The following IL1RAPL2 variants were observed in gnomAD, a reference collection of about 807,000 sequenced individuals.
IL1RAPL2 encodes interleukin 1 receptor accessory protein like 2.
IL1RAPL2 carries 3 observed loss-of-function variants against 44.1 expected under a neutral mutation model. The observed-to-expected ratio is 0.07, with a 90% confidence interval of 0.03 to 0.18. The LOEUF (loss-of-function observed/expected upper bound fraction) is 0.18, where lower values mean the gene tolerates loss of function less well. Among genes scored for constraint, IL1RAPL2 ranks in the 10% least tolerant of loss-of-function variants. The probability of loss-of-function intolerance (pLI) is 1.00; values close to 1 mark genes in which losing one functional copy is unlikely to be tolerated. For missense variants in IL1RAPL2, 391 were observed against 496.4 expected, an observed-to-expected ratio of 0.79 and a Z score of 2.02; for synonymous variants, 181 against 178.8, an observed-to-expected ratio of 1.01 and a Z score of -0.10.
chrX:104,693,404 G>GT (rs1931127075), intron 2 of IL1RAPL2, among the ~76,000 whole-genome samples: 1 of 111,576 alleles, frequency 9.0e-6, no homozygotes, highest in Non-Finnish European at 1.9e-5. Flanking sequence ...GGACCAATAG[G>GT]TTTGTATTTA....
intron 6 of IL1RAPL2, among the ~76,000 whole-genome samples, chrX:105,654,985 C>T (rs772359118): frequency 2.7e-5 from 3 of 111,987 alleles, no homozygotes; most frequent in South Asian, 3.7e-4. Flanking sequence ...CAGAAGCCCC[C>T]GGGAAGTGTG....
At chrX:105,101,931 GC>G (rs1365285103) in intron 2 of IL1RAPL2, among the ~76,000 whole-genome samples, 1 of 112,198 alleles carries the variant, frequency 8.9e-6, no homozygotes, top group Non-Finnish European at 1.9e-5. Context: ...AATGCAGGAA[GC>G]AGGGCTTTTT....
intron 5 of IL1RAPL2, among the ~76,000 whole-genome samples, chrX:105,459,127 A>G (rs73527156): frequency 0.23 from 25,114 of 111,368 alleles, 6,830 homozygotes; most frequent in African/African-American, 0.78. Context: ...ATTTTTGCCA[A>G]TGTTCTCGTT....
At chrX:105,589,485 A>C (rs368792855) in intron 6 of IL1RAPL2, among the ~76,000 whole-genome samples, 2 of 111,218 alleles carry the variant, frequency 1.8e-5, no homozygotes, top group East Asian at 5.7e-4. Flanking sequence ...TTTAGGTTTT[A>C]TCCTAGGGTT....
chrX:105,387,422 A>G (rs941820216), intron 5 of IL1RAPL2, among the ~76,000 whole-genome samples: 3 of 109,426 alleles, frequency 2.7e-5, no homozygotes, highest in African/African-American at 1.0e-4. Flanking sequence ...TTTAGTAGAG[A>G]CGGGGTTTCA....
At chrX:105,371,469 A>G (rs905515083) in intron 5 of IL1RAPL2, among the ~76,000 whole-genome samples, 2 of 111,349 alleles carry the variant, frequency 1.8e-5, no homozygotes, top group African/African-American at 3.3e-5. Flanking sequence ...AGTTATCCCT[A>G]TTTTGAAAAA....
intron 6 of IL1RAPL2, among the ~76,000 whole-genome samples, chrX:105,594,140 C>G (rs763952515): frequency 9.0e-6 from 1 of 111,261 alleles, no homozygotes; most frequent in South Asian, 3.7e-4. Context: ...ATATATTTAC[C>G]TCTTTGTTGT....
intron 5 of IL1RAPL2, chrX:105,406,420 C>A (rs1490872178): frequency 1.8e-6 from 2 of 1,108,284 alleles, no homozygotes; most frequent in Non-Finnish European, 2.5e-6. Flanking sequence ...TCTCATTGAT[C>A]TAACACCTGG....
chrX:105,626,303 G>T (rs1345930399), intron 6 of IL1RAPL2, among the ~76,000 whole-genome samples: 1 of 111,598 alleles, frequency 9.0e-6, no homozygotes, highest in East Asian at 2.8e-4. Flanking sequence ...GATGGGGAGT[G>T]AGAAATGAGG....
intron 2 of IL1RAPL2, among the ~76,000 whole-genome samples, chrX:105,082,926 G>T (rs2032432938): frequency 9.0e-6 from 1 of 111,121 alleles, no homozygotes; most frequent in South Asian, 3.8e-4. Flanking sequence ...CGCCAGCAAG[G>T]AAACAAAACT....
rs1931940239 is a variant in IL1RAPL2 at position 104,732,577 on chromosome X, G to A, written c.82+73582G>A. 2.7e-5 allele frequency among the ~76,000 whole-genome samples: 3 copies of A among 111,460 alleles called. No homozygotes were observed. The East Asian group carries it at 8.5e-4, about 31-fold the overall frequency. ...AATATATTAAAAGTGCCTCAAGGAA[G>A]AATAATTAACCTGGATAAATCTAGT... On this transcript the variant is annotated intron_variant, in intron 2 of 10. Coordinates refer to ENST00000372582, the MANE Select transcript of IL1RAPL2 (RefSeq NM_017416.2).
intron 2 of IL1RAPL2, among the ~76,000 whole-genome samples, chrX:105,039,380 G>C (rs1328746095): frequency 2.7e-5 from 3 of 111,963 alleles, no homozygotes; most frequent in Non-Finnish European, 5.6e-5. Flanking sequence ...TGCAAGATCA[G>C]TGACATCCTC....
intron 5 of IL1RAPL2, among the ~76,000 whole-genome samples, chrX:105,273,941 A>G (rs2034466366): frequency 9.0e-6 from 1 of 111,719 alleles, no homozygotes; most frequent in African/African-American, 3.3e-5. Flanking sequence ...TGATGTACCC[A>G]AAGTCACATA....
chrX:104,804,842 C>T (rs1410054238), intron 2 of IL1RAPL2, among the ~76,000 whole-genome samples: 1 of 112,464 alleles, frequency 8.9e-6, no homozygotes, highest in Non-Finnish European at 1.9e-5. Context: ...TTTCTTCTTT[C>T]AAACTTAAAT....
At chrX:104,907,828 G>A (rs2147679896) in intron 2 of IL1RAPL2, among the ~76,000 whole-genome samples, 1 of 110,670 alleles carries the variant, frequency 9.0e-6, no homozygotes, top group South Asian at 3.9e-4. Flanking sequence ...TCTGCTTGGT[G>A]CAGAGCTGAC....
intron 5 of IL1RAPL2, among the ~76,000 whole-genome samples, chrX:105,277,542 C>T (rs1018136895): frequency 4.5e-5 from 5 of 111,696 alleles, no homozygotes; most frequent in African/African-American, 1.3e-4. Flanking sequence ...CTCATCTCCT[C>T]AGATCCTTGC....
chrX:104,835,805 A>AT (rs1466820070), intron 2 of IL1RAPL2, among the ~76,000 whole-genome samples: 1 of 111,996 alleles, frequency 8.9e-6, no homozygotes, highest in Non-Finnish European at 1.9e-5. Flanking sequence ...TGTGGGTAAA[A>AT]TTTTAGCCAC....
intron 6 of IL1RAPL2, among the ~76,000 whole-genome samples, chrX:105,670,103 CTGTATATATATATATATATATA>C (rs1454500005): frequency 1.1e-4 from 1 of 8,775 alleles, no homozygotes; most frequent in Non-Finnish European, 2.2e-4. Flanking sequence ...TCTGGGTTTC[CTGTATATATATATATATATATA>C]TATATATATA....
intron 2 of IL1RAPL2, among the ~76,000 whole-genome samples, chrX:104,759,770 A>T (rs190830152): frequency 8.9e-6 from 1 of 111,930 alleles, no homozygotes; most frequent in Admixed American, 9.5e-5. Context: ...AAAATGGGGT[A>T]TCCATCCTGC....
Sources: gnomAD v4.1 joint callset for allele counts (sites outside exome capture counted in the v4.1 genomes callset) on GRCh38, gnomAD v4.1.1 for gene constraint, MANE v1.5 for transcripts, NCBI Gene and HGNC (gene_info 2026-07-23, HGNC 2026-07-21) for gene names.